The following GRIK2 variants were observed in gnomAD, a reference collection of about 807,000 sequenced individuals.
The protein encoded by GRIK2 is glutamate ionotropic receptor kainate type subunit 2.
Under a neutral mutation model 100.3 loss-of-function variants are expected in GRIK2, and 32 were observed. The ratio of observed to expected loss-of-function variants is 0.32; its 90% CI spans 0.24 to 0.43. GRIK2 has a LOEUF of 0.43. Among genes scored for constraint, GRIK2 ranks in the 20% least tolerant of loss-of-function variants. The pLI is 1.00. For synonymous variants in GRIK2, 417 were observed against 389.4 expected (o/e 1.07, Z -0.83); for missense variants, 843 against 1,114.9 (o/e 0.76, Z 3.47).
intron 14 of GRIK2, among the ~76,000 whole-genome samples, chr6:101,964,288 CAT>C (rs1353025248): frequency 1.3e-5 from 2 of 151,602 alleles, no homozygotes; most frequent in Non-Finnish European, 2.9e-5. Context: ...TATGATATAA[CAT>C]ATATGTATAT....
intron 14 of GRIK2, among the ~76,000 whole-genome samples, chr6:102,013,660 G>T (rs1016218065): frequency 2.0e-5 from 3 of 151,910 alleles, no homozygotes; most frequent in Non-Finnish European, 4.4e-5. Flanking sequence ...GAATATTATT[G>T]AAGCCTTTTC....
At chr6:101,522,441 G>A (rs1774925816) in intron 2 of GRIK2, among the ~76,000 whole-genome samples, 1 of 152,094 alleles carries the variant, frequency 6.6e-6, no homozygotes. Context: ...GGATTGACAT[G>A]TCTGTCTGTC....
intron 7 of GRIK2, among the ~76,000 whole-genome samples, chr6:101,707,592 G>A (rs1209778281): frequency 0.044 from 5,490 of 125,590 alleles, 532 homozygotes; most frequent in African/African-American, 0.18. Context: ...GTGTGTGTGT[G>A]TGTATATATG....
intron 7 of GRIK2, among the ~76,000 whole-genome samples, chr6:101,718,003 A>C (rs1411290207): frequency 2.0e-5 from 3 of 151,758 alleles, no homozygotes; most frequent in African/African-American, 7.2e-5. Context: ...TTAATAATAA[A>C]ATATTATTTA....
chr6:101,806,476 A>G, intron 9 of GRIK2, among the ~76,000 whole-genome samples: 1 of 152,040 alleles, frequency 6.6e-6, no homozygotes, highest in East Asian at 1.9e-4. Context: ...AGCCAGGCAG[A>G]TATTTTTAAA....
intron 2 of GRIK2, among the ~76,000 whole-genome samples, chr6:101,472,493 T>A (rs976472756): frequency 6.6e-6 from 1 of 151,986 alleles, no homozygotes; most frequent in African/African-American, 2.4e-5. Context: ...ATTCAAAACA[T>A]ATTTACAGAA....
intron 7 of GRIK2, among the ~76,000 whole-genome samples, chr6:101,708,078 T>C (rs2128357227): frequency 6.6e-6 from 1 of 151,862 alleles, no homozygotes; most frequent in African/African-American, 2.4e-5. Context: ...TAAATAAATG[T>C]TACAGACAAA....
chr6:101,749,810 T>TTC, intron 7 of GRIK2, among the ~76,000 whole-genome samples: 1 of 141,954 alleles, frequency 7.0e-6, no homozygotes, highest in African/African-American at 2.7e-5. Flanking sequence ...TTTCTTTTTT[T>TTC]TTTTTTTTTT....
chr6:101,757,958 T>C (rs900917030), intron 7 of GRIK2, among the ~76,000 whole-genome samples: 1 of 152,232 alleles, frequency 6.6e-6, no homozygotes, highest in African/African-American at 2.4e-5. Flanking sequence ...CTGGGTGCAA[T>C]GGCACAAGCC....
intron 10 of GRIK2, among the ~76,000 whole-genome samples, chr6:101,827,088 T>C (rs1282847700): frequency 6.6e-6 from 1 of 151,992 alleles, no homozygotes; most frequent in African/African-American, 2.4e-5. Context: ...ACAGAAACTT[T>C]TCTTAGAATT....
At chr6:101,503,864 C>G (rs1290216297) in intron 2 of GRIK2, among the ~76,000 whole-genome samples, 1 of 151,980 alleles carries the variant, frequency 6.6e-6, no homozygotes, top group African/African-American at 2.4e-5. Flanking sequence ...TAGAAGCAAA[C>G]AAGATGGTGC....
At chr6:101,528,146 A>C (rs1196973009) in intron 2 of GRIK2, among the ~76,000 whole-genome samples, 1 of 152,168 alleles carries the variant, frequency 6.6e-6, no homozygotes, top group Non-Finnish European at 1.5e-5. Context: ...TTAGCTAATT[A>C]ATACAGAGTG....
At chr6:101,915,760 C>T (rs2128467256) in intron 12 of GRIK2, among the ~76,000 whole-genome samples, 1 of 151,544 alleles carries the variant, frequency 6.6e-6, no homozygotes, top group Non-Finnish European at 1.5e-5. Context: ...TTATCGTAGA[C>T]ACATACAATG....
At chr6:101,883,676 C>T (rs974353901) in intron 11 of GRIK2, among the ~76,000 whole-genome samples, 2 of 152,042 alleles carry the variant, frequency 1.3e-5, no homozygotes, top group African/African-American at 4.8e-5. Context: ...GACATCAAAG[C>T]AAGCACATGA....
chr6:101,701,465 A>C (rs998230513), intron 7 of GRIK2, among the ~76,000 whole-genome samples: 1 of 152,090 alleles, frequency 6.6e-6, no homozygotes, highest in Non-Finnish European at 1.5e-5. Context: ...TGTCTATCAA[A>C]TAAACTTCTC....
intron 11 of GRIK2, among the ~76,000 whole-genome samples, chr6:101,870,934 A>G (rs1398833436): frequency 1.3e-5 from 2 of 151,934 alleles, no homozygotes; most frequent in African/African-American, 4.8e-5. Flanking sequence ...AAACAGGGTA[A>G]GACACTTGGA....
intron 10 of GRIK2, among the ~76,000 whole-genome samples, chr6:101,835,464 C>CTTTTTTTT (rs764148146): frequency 1.1e-5 from 1 of 89,020 alleles, no homozygotes; most frequent in Non-Finnish European, 2.0e-5. Context: ...CTATGAGTTC[C>CTTTTTTTT]TTTTTTTTTT....
chr6:101,661,699 C>T (rs926959471), intron 4 of GRIK2, among the ~76,000 whole-genome samples: 2 of 152,254 alleles, frequency 1.3e-5, no homozygotes, highest in East Asian at 3.9e-4. Flanking sequence ...ACAGCACAGT[C>T]TCTCATGGCT....
Position 101,963,278 on chromosome 6 carries a change from A to ATTTT in GRIK2, c.2085+34680_2085+34683dup, listed in dbSNP as rs3029099. On this transcript the variant is annotated intron_variant, in intron 14 of 16. Coordinates refer to ENST00000369134, the MANE Select transcript of GRIK2 (RefSeq NM_021956.5). ...TATTTCATATTTATACTTATTTAGGATTTTTTTTTTTTTTTTTTTTTTTTT... is the reference window on the plus strand; with the variant it reads ...TATTTCATATTTATACTTATTTAGGATTTTTTTTTTTTTTTTTTTTTTTTTTTTT... Among the ~76,000 whole-genome samples, 4 of 27,820 alleles carry ATTTT rather than the reference A, an allele frequency of 1.4e-4. 2 individuals carry two copies. The highest frequency in any genetic ancestry group is 1.4e-4 in the Non-Finnish European group (2 of 14,020). The allele number at this position is 27,820 out of a possible 152,430, so 18.3% of individuals were successfully genotyped here. A position where few individuals can be genotyped will look rare whatever the true frequency, so the allele number is the denominator to read the frequency against.
Sources: allele counts gnomAD v4.1 joint callset (sites outside exome capture counted in the v4.1 genomes callset), GRCh38; gene constraint gnomAD v4.1.1; transcripts MANE v1.5; gene names NCBI Gene and HGNC (gene_info 2026-07-23, HGNC 2026-07-21).